SPAG16: variants seen among roughly 807,000 people sequenced by gnomAD.
SPAG16 encodes the protein sperm associated antigen 16.
Under a neutral mutation model 80.4 loss-of-function variants are expected in SPAG16, and 86 were observed. The ratio of observed to expected loss-of-function variants is 1.07; its 90% CI spans 0.90 to 1.28. The LOEUF (loss-of-function observed/expected upper bound fraction) is 1.28, where lower values mean the gene tolerates loss of function less well. Ranked by LOEUF, SPAG16 falls within the 50% of genes most tolerant of loss-of-function variation. The pLI, the probability that SPAG16 is intolerant of heterozygous loss-of-function variation, is 0.00. For synonymous variants in SPAG16, 294 were observed against 265.9 expected (o/e 1.11, Z -1.03); for missense variants, 870 against 765.3 (o/e 1.14, Z -1.61).
intron 9 of SPAG16, among the ~76,000 whole-genome samples, chr2:213,475,532 T>C (rs1248714533): frequency 1.3e-5 from 2 of 152,182 alleles, no homozygotes; most frequent in Non-Finnish European, 2.9e-5. Context: ...ATCTTGAATT[T>C]GAAGCATCCC....
At chr2:213,326,530 T>C (rs2063849618) in intron 5 of SPAG16, among the ~76,000 whole-genome samples, 3 of 151,938 alleles carry the variant, frequency 2.0e-5, no homozygotes, top group African/African-American at 2.4e-5. Context: ...ATAATGAAAG[T>C]TTTTCTCTAA....
intron 14 of SPAG16, among the ~76,000 whole-genome samples, chr2:214,140,727 G>C (rs111829596): frequency 0.015 from 2,339 of 151,254 alleles, 71 homozygotes; most frequent in African/African-American, 0.053. Flanking sequence ...ATTTTTTTCT[G>C]ACACTGATAC....
chr2:214,299,108 G>C (rs976146950), intron 15 of SPAG16, among the ~76,000 whole-genome samples: 6 of 152,128 alleles, frequency 3.9e-5, no homozygotes, highest in African/African-American at 1.4e-4. Context: ...CAGAAAATCA[G>C]TCAGACAGAG....
intron 10 of SPAG16, among the ~76,000 whole-genome samples, chr2:213,728,876 CAAA>C (rs58070679): frequency 6.8e-5 from 4 of 58,458 alleles, no homozygotes; most frequent in South Asian, 7.9e-4. Flanking sequence ...GACTCCGTCT[CAAA>C]AAAAAAAAAA....
chr2:213,691,787 A>T (rs1042203157), intron 10 of SPAG16, among the ~76,000 whole-genome samples: 5 of 152,194 alleles, frequency 3.3e-5, no homozygotes, highest in African/African-American at 1.2e-4. Flanking sequence ...TCCCCACCAG[A>T]TTGAAAGCTC....
At chr2:213,437,782 C>A (rs1192164697) in intron 9 of SPAG16, among the ~76,000 whole-genome samples, 1 of 152,150 alleles carries the variant, frequency 6.6e-6, no homozygotes, top group African/African-American at 2.4e-5. Context: ...GCTCTCCCTG[C>A]GTATTTATAT....
At chr2:214,063,744 C>T (rs576284120) in intron 13 of SPAG16, among the ~76,000 whole-genome samples, 3 of 152,262 alleles carry the variant, frequency 2.0e-5, no homozygotes, top group East Asian at 3.9e-4. Flanking sequence ...TACCTCCTTC[C>T]AGTCTTTTTC....
chr2:214,012,597 A>G (rs1271654426), intron 12 of SPAG16, among the ~76,000 whole-genome samples: 1 of 151,926 alleles, frequency 6.6e-6, no homozygotes, highest in Non-Finnish European at 1.5e-5. Context: ...GCCTGGGCCA[A>G]CTGACTGATT....
intron 15 of SPAG16, among the ~76,000 whole-genome samples, chr2:214,390,790 A>G (rs1463556992): frequency 6.6e-6 from 1 of 152,164 alleles, no homozygotes; most frequent in Non-Finnish European, 1.5e-5. Flanking sequence ...ATTGGAGAGC[A>G]AGATCAATGT....
chr2:214,320,316 T>G (rs1576771655), intron 15 of SPAG16, among the ~76,000 whole-genome samples: 1 of 152,318 alleles, frequency 6.6e-6, no homozygotes, highest in East Asian at 1.9e-4. Context: ...CTTCCAGAAC[T>G]TCTTGTACTC....
intron 15 of SPAG16, among the ~76,000 whole-genome samples, chr2:214,295,798 G>A (rs1254477724): frequency 2.0e-5 from 3 of 151,924 alleles, no homozygotes; most frequent in Non-Finnish European, 2.9e-5. Context: ...CAAAAAAAAA[G>A]GGAAAAGAAG....
At chr2:214,277,409 C>G (rs1692553390) in intron 15 of SPAG16, among the ~76,000 whole-genome samples, 1 of 152,140 alleles carries the variant, frequency 6.6e-6, no homozygotes, top group South Asian at 2.1e-4. Context: ...TGGTTTCTCC[C>G]CATCTTTGTG....
intron 10 of SPAG16, among the ~76,000 whole-genome samples, chr2:213,827,209 G>C (rs1207969602): frequency 1.3e-5 from 2 of 151,702 alleles, no homozygotes; most frequent in Non-Finnish European, 2.9e-5. Flanking sequence ...GACCTACTCT[G>C]GCCATTTTGT....
chr2:214,374,499 C>G (rs1459028927), intron 15 of SPAG16, among the ~76,000 whole-genome samples: 1 of 152,212 alleles, frequency 6.6e-6, no homozygotes, highest in Non-Finnish European at 1.5e-5. Context: ...GCTGATACCT[C>G]TAGCTCTTGT....
intron 10 of SPAG16, among the ~76,000 whole-genome samples, chr2:213,672,859 GTTTTTTT>G (rs750046794): frequency 2.4e-5 from 3 of 124,422 alleles, no homozygotes; most frequent in African/African-American, 5.9e-5. Flanking sequence ...TATTTTGTTT[GTTTTTTT>G]TTTTTTTTTT....
At position 213,896,592 on chromosome 2, in the gene SPAG16, G is replaced by GCGCA. The variant is rs57025359; in HGVS notation, c.1215-33367_1215-33366insGCAC. On this transcript the variant is annotated intron_variant, in intron 11 of 15. Coordinates refer to ENST00000331683, the MANE Select transcript of SPAG16 (RefSeq NM_024532.5). ...AAATGTGATATATACACACACACAC[G>GCGCA]CACACACACACACACACACACACAT... Among the ~76,000 whole-genome samples the GCGCA allele has an allele frequency of 1.5e-3, 172 of 111,920 alleles. 8 individuals are homozygous for GCGCA. In the East Asian group the frequency reaches 0.024, roughly 15 times the overall value. 73.4% of individuals were successfully genotyped at this position (111,920 alleles called of 152,430 possible). A position where few individuals can be genotyped will look rare whatever the true frequency, so the allele number is the denominator to read the frequency against.
chr2:213,762,931 C>G (rs144768352), intron 10 of SPAG16, among the ~76,000 whole-genome samples: 7 of 152,104 alleles, frequency 4.6e-5, no homozygotes, highest in Non-Finnish European at 1.0e-4. Context: ...TCCTACAACT[C>G]AATAGTTAAA....
chr2:214,399,678 A>G (rs569044731), intron 15 of SPAG16, among the ~76,000 whole-genome samples: 1 of 152,252 alleles, frequency 6.6e-6, no homozygotes, highest in East Asian at 1.9e-4. Context: ...ACTTTACAAT[A>G]AGACAAAAAT....
At chr2:213,859,217 C>T (rs2433719) in intron 10 of SPAG16, among the ~76,000 whole-genome samples, 1 of 50,730 alleles carries the variant, frequency 2.0e-5, no homozygotes, top group African/African-American at 7.4e-5. Flanking sequence ...AAAAAAAAAA[C>T]TCAATGTCCT....
Sources: gnomAD v4.1 joint callset for allele counts (sites outside exome capture counted in the v4.1 genomes callset) on GRCh38, gnomAD v4.1.1 for gene constraint, MANE v1.5 for transcripts, NCBI Gene and HGNC (gene_info 2026-07-23, HGNC 2026-07-21) for gene names.